Variants in ANO4 observed in about 807,000 individuals in gnomAD.
The protein encoded by ANO4 is anoctamin-4.
A neutral mutation model predicts 141.9 loss-of-function variants in ANO4; 69 were observed. The observed-to-expected ratio is 0.49, with a 90% CI of 0.40 to 0.59. The LOEUF is 0.59. ANO4 is among the 20% of genes least tolerant of loss of function. The probability of loss-of-function intolerance (pLI) is 0.00; values close to 1 mark genes in which losing one functional copy is unlikely to be tolerated. For synonymous variants in ANO4, 350 were observed against 394.3 expected (o/e 0.89, Z 1.33); for missense variants, 894 against 1,162.2 (o/e 0.77, Z 3.36).
chr12:100,765,766 T>C (rs2135538307), intron 3 of ANO4, among the ~76,000 whole-genome samples: 1 of 151,498 alleles, frequency 6.6e-6, no homozygotes, highest in African/African-American at 2.4e-5. Flanking sequence ...TAAATAATAA[T>C]TATGTATATT....
At chr12:100,919,736 G>GTATCTATC (rs371838179) in intron 2 of ANO4, among the ~76,000 whole-genome samples, 7,279 of 132,994 alleles carry the variant, frequency 0.055, 234 homozygotes, top group Non-Finnish European at 0.067. Context: ...GTGTATGTAT[G>GTATCTATC]TATCTATCTA....
At chr12:100,853,574 T>C (rs1397394757) in intron 1 of ANO4, among the ~76,000 whole-genome samples, 3 of 152,080 alleles carry the variant, frequency 2.0e-5, no homozygotes, top group Non-Finnish European at 2.9e-5. Context: ...TCTCTCTTAG[T>C]TACCATAGTT....
At chr12:100,806,547 T>G (rs1399461730) in intron 1 of ANO4, among the ~76,000 whole-genome samples, 5 of 59,812 alleles carry the variant, frequency 8.4e-5, no homozygotes, top group African/African-American at 2.6e-4. Flanking sequence ...TTTTTTTTTT[T>G]TTTTTTTTTT....
chr12:101,126,019 C>CTTTTTAAAAGGCTGCCT (rs2051299620), intron 26 of ANO4, among the ~76,000 whole-genome samples: 3 of 151,014 alleles, frequency 2.0e-5, no homozygotes, highest in Non-Finnish European at 4.4e-5. Context: ...TCAGACAAAA[C>CTTTTTAAAAGGCTGCCT]TTTTTAAAAG....
At chr12:101,073,566 TATAATA>T (rs55723203) in intron 14 of ANO4, among the ~76,000 whole-genome samples, 14,401 of 143,592 alleles carry the variant, frequency 0.1, 764 homozygotes, top group South Asian at 0.14. Context: ...GAACTTAAAG[TATAATA>T]ATAATAATAA....
At chr12:100,881,382 T>C (rs2039561039) in intron 1 of ANO4, among the ~76,000 whole-genome samples, 1 of 151,734 alleles carries the variant, frequency 6.6e-6, no homozygotes, top group Non-Finnish European at 1.5e-5. Context: ...ATATTCATAT[T>C]CTGAATTTTA....
At chr12:100,925,863 A>G (rs1429474144) in intron 3 of ANO4, among the ~76,000 whole-genome samples, 1 of 151,060 alleles carries the variant, frequency 6.6e-6, no homozygotes, top group Non-Finnish European at 1.5e-5. Flanking sequence ...ACACATATAT[A>G]TATATATGAG....
At chr12:100,955,860 C>T (rs919400174) in intron 5 of ANO4, among the ~76,000 whole-genome samples, 3 of 152,138 alleles carry the variant, frequency 2.0e-5, no homozygotes, top group Non-Finnish European at 2.9e-5. Flanking sequence ...ACAACATAAA[C>T]GATGGCATGA....
intron 5 of ANO4, among the ~76,000 whole-genome samples, chr12:100,948,087 G>A (rs1025419859): frequency 7.4e-5 from 11 of 147,880 alleles, no homozygotes; most frequent in South Asian, 2.1e-4. Context: ...CCAGCTACTC[G>A]GGAGGCTGAG....
At chr12:100,990,589 G>A (rs1490073536) in intron 8 of ANO4, among the ~76,000 whole-genome samples, 2 of 152,138 alleles carry the variant, frequency 1.3e-5, no homozygotes, top group Non-Finnish European at 2.9e-5. Flanking sequence ...CTTCTTGCCA[G>A]GCACTGTCTG....
chr12:100,719,592 G>A (rs2136714689), intron 1 of ANO4, among the ~76,000 whole-genome samples: 1 of 151,858 alleles, frequency 6.6e-6, no homozygotes, highest in Admixed American at 6.6e-5. Flanking sequence ...TTCAATTTTT[G>A]TGTTTAATTG....
intron 1 of ANO4, among the ~76,000 whole-genome samples, chr12:100,799,080 G>T (rs1310100510): frequency 1.3e-5 from 2 of 152,154 alleles, no homozygotes; most frequent in Non-Finnish European, 2.9e-5. Flanking sequence ...AAGCCCCTTG[G>T]ATTCCAGTTC....
chr12:100,843,374 T>C (rs1021742600), intron 1 of ANO4, among the ~76,000 whole-genome samples: 1 of 152,164 alleles, frequency 6.6e-6, no homozygotes, highest in Non-Finnish European at 1.5e-5. Context: ...AACTATAATA[T>C]TGTAACTCTG....
intron 1 of ANO4, among the ~76,000 whole-genome samples, chr12:100,804,958 A>C (rs2135677506): frequency 6.6e-6 from 1 of 152,294 alleles, no homozygotes; most frequent in African/African-American, 2.4e-5. Context: ...TAGTTTAATT[A>C]GATCCCATTT....
At chr12:101,084,779 C>T (rs963502835) in intron 16 of ANO4, among the ~76,000 whole-genome samples, 2 of 152,178 alleles carry the variant, frequency 1.3e-5, no homozygotes, top group Non-Finnish European at 2.9e-5. Context: ...TACAAAGACC[C>T]ATAGACATAG....
intron 26 of ANO4, among the ~76,000 whole-genome samples, chr12:101,125,363 T>G (rs1372286598): frequency 6.6e-6 from 1 of 152,154 alleles, no homozygotes; most frequent in Non-Finnish European, 1.5e-5. Context: ...AAGAAGCTTT[T>G]GGGCCAAGAT....
At chr12:101,021,455 G>A (rs950504984) in intron 9 of ANO4, among the ~76,000 whole-genome samples, 1 of 152,146 alleles carries the variant, frequency 6.6e-6, no homozygotes, top group Admixed American at 6.5e-5. Context: ...GCTTAACATT[G>A]AATCAGCTGA....
rs972531892 is a variant in ANO4 at position 100,862,309 on chromosome 12, A to G, written c.-140-39337A>G. On this transcript the variant is annotated intron_variant, in intron 1 of 27. Transcript: ENST00000392977. ...TACAGTAAATACATAAACCAGTAAC[A>G]TAGTTTTTTATTATCCTTATTATTA... is the stretch of plus-strand genomic sequence containing the variant. Among the ~76,000 whole-genome samples the G allele has an allele frequency of 3.3e-5, 5 of 152,112 alleles. No homozygotes were observed. The South Asian group carries it at 8.3e-4, about 25-fold the overall frequency.
intron 8 of ANO4, among the ~76,000 whole-genome samples, chr12:101,008,028 T>C (rs968825124): frequency 6.6e-6 from 1 of 152,228 alleles, no homozygotes; most frequent in Admixed American, 6.5e-5. Flanking sequence ...TCTAATCTAG[T>C]GCATAAAATA....
Sources: gnomAD v4.1 joint callset for allele counts (sites outside exome capture counted in the v4.1 genomes callset) on GRCh38, gnomAD v4.1.1 for gene constraint, MANE v1.5 for transcripts, NCBI Gene and HGNC (gene_info 2026-07-23, HGNC 2026-07-21) for gene names.